The following CCDC102B variants were observed in gnomAD, a reference collection of about 807,000 sequenced individuals.
The protein encoded by CCDC102B is coiled-coil domain-containing protein 102B.
In CCDC102B, 75 loss-of-function variants were observed where a neutral mutation model predicts 57.4. That is an observed-to-expected ratio of 1.31 (90% confidence interval 1.08 to 1.58). CCDC102B has a LOEUF of 1.58. Among genes scored for constraint, CCDC102B ranks in the 40% most tolerant of loss-of-function variants. The pLI is 0.00. For synonymous variants in CCDC102B, 206 were observed against 201.9 expected (o/e 1.02, Z -0.17); for missense variants, 636 against 582.6 (o/e 1.09, Z -0.94).
At chr18:68,749,132 T>G (rs2033744525) in intron 2 of CCDC102B, among the ~76,000 whole-genome samples, 1 of 152,216 alleles carries the variant, frequency 6.6e-6, no homozygotes, top group Admixed American at 6.5e-5. Context: ...TCCATTGGTC[T>G]ATATCTCTGT....
At chr18:68,937,520 A>T (rs1021218970) in intron 6 of CCDC102B, among the ~76,000 whole-genome samples, 1 of 152,078 alleles carries the variant, frequency 6.6e-6, no homozygotes, top group Admixed American at 6.6e-5. Flanking sequence ...CTTTGCAAAA[A>T]TGCAATCCAC....
intron 6 of CCDC102B, among the ~76,000 whole-genome samples, chr18:68,974,214 A>G (rs1031025350): frequency 6.6e-6 from 1 of 152,034 alleles, no homozygotes; most frequent in Non-Finnish European, 1.5e-5. Flanking sequence ...TGAATGGATT[A>G]ATGCCACTGT....
rs372806901 is a variant in CCDC102B at position 68,836,785 on chromosome 18, C to T, written c.22C>T (p.Arg8Ter). 16 of 1,612,742 alleles carry T rather than the reference C, an allele frequency of 9.9e-6. No homozygotes were observed. Among genetic ancestry groups the T allele is most frequent in the African/African-American group, 2.7e-5 (2 of 74,746 alleles). The change falls in exon 2 of 8, where the codon CGA becomes TGA. Residue 8 changes from arginine to a stop codon, truncating the protein, a stop_gained. Coordinates refer to ENST00000360242, the MANE Select transcript of CCDC102B (RefSeq NM_024781.3). LOFTEE classifies it high-confidence loss of function. ...AAATATGAATTTAGATTCCATACAT[C>T]GATTAATTGAGGAAACACAGATCTT... MNLDSIHRLIEETQIFQM... is the reference protein window; with the variant it reads MNLDSIH
chr18:68,866,703 T>C (rs2038997838), intron 4 of CCDC102B: 2 of 506,916 alleles, frequency 3.9e-6, no homozygotes, highest in Non-Finnish European at 7.7e-6. Flanking sequence ...CAGTTTGGCC[T>C]CTTCTCATGA....
chr18:68,818,582 G>T (rs1025314007), intron 1 of CCDC102B, among the ~76,000 whole-genome samples: 2 of 152,070 alleles, frequency 1.3e-5, no homozygotes, highest in Admixed American at 1.3e-4. Context: ...CTGAGTTGTC[G>T]TGAGTAGCTT....
intron 1 of CCDC102B, among the ~76,000 whole-genome samples, chr18:68,806,954 G>T (rs2144698450): frequency 6.6e-6 from 1 of 152,112 alleles, no homozygotes; most frequent in South Asian, 2.1e-4. Flanking sequence ...AGACAGCACA[G>T]GTTTAATACT....
At chr18:68,943,997 G>T (rs1233538262) in intron 6 of CCDC102B, among the ~76,000 whole-genome samples, 2 of 152,146 alleles carry the variant, frequency 1.3e-5, no homozygotes, top group African/African-American at 4.8e-5. Flanking sequence ...TAGATGCTAT[G>T]CCGGACAGGG....
chr18:68,800,174 T>C (rs1409174773), intron 1 of CCDC102B, among the ~76,000 whole-genome samples: 2 of 152,176 alleles, frequency 1.3e-5, no homozygotes, highest in African/African-American at 2.4e-5. Flanking sequence ...AATGATTTGC[T>C]TAAAGCCACA....
At chr18:68,907,870 TAGG>T (rs1306487712) in intron 6 of CCDC102B, among the ~76,000 whole-genome samples, 1 of 152,220 alleles carries the variant, frequency 6.6e-6, no homozygotes, top group Non-Finnish European at 1.5e-5. Flanking sequence ...GGGCTCATCT[TAGG>T]GGGAAGACTT....
rs555681180 is a variant in CCDC102B, at chr18:68,762,385, G to T, written c.-67+45791G>T. 2.0e-4 allele frequency among the ~76,000 whole-genome samples: 30 copies of T among 151,864 alleles called. No individual in the cohort carries two copies. In the South Asian group the frequency reaches 6.2e-3, roughly 32 times the overall value. Reference sequence around the variant, plus strand: ...CTTTTTAGCCTAAAATCTGTTTTTTGTTGTTGTTTGTTTTTTGTTTTTGGT... The same window carrying T: ...CTTTTTAGCCTAAAATCTGTTTTTTTTTGTTGTTTGTTTTTTGTTTTTGGT... On this transcript the variant is annotated intron_variant, in intron 2 of 3. Transcript: ENST00000578970.
In CCDC102B at chr18:68,893,555, A is replaced by T. The variant is rs541014311; in HGVS notation, c.1054-3664A>T. ...GAAGGGCTTTTTCCTGGAGACTGTC[A>T]TTATCTGCTTTCTCTTTCACTTAAC... is the stretch of plus-strand genomic sequence containing the variant. On this transcript the variant is annotated intron_variant, in intron 5 of 7. Transcript: ENST00000360242. 2.3e-3 allele frequency among the ~76,000 whole-genome samples: 346 copies of T among 152,238 alleles called. 1 individual carries two copies. The highest frequency in any genetic ancestry group is 7.4e-3 in the African/African-American group (306 of 41,540).
At chr18:68,723,066 A>G (rs1464845434) in intron 2 of CCDC102B, among the ~76,000 whole-genome samples, 1 of 152,126 alleles carries the variant, frequency 6.6e-6, no homozygotes, top group Non-Finnish European at 1.5e-5. Context: ...GGCCTCAGGA[A>G]ACTTACAATC....
intron 2 of CCDC102B, among the ~76,000 whole-genome samples, chr18:68,759,889 TG>T (rs949852106): frequency 6.6e-6 from 1 of 152,026 alleles, no homozygotes; most frequent in Non-Finnish European, 1.5e-5. Context: ...CACCCCTCTT[TG>T]GGGGTTACAT....
chr18:68,742,321 A>G (rs978035850), intron 2 of CCDC102B, among the ~76,000 whole-genome samples: 1 of 152,072 alleles, frequency 6.6e-6, no homozygotes, highest in African/African-American at 2.4e-5. Flanking sequence ...CTCTTCCTAT[A>G]AGAGCACCAG....
chr18:68,783,631 T>C (rs2035080863), intron 2 of CCDC102B, among the ~76,000 whole-genome samples: 2 of 152,174 alleles, frequency 1.3e-5, no homozygotes, highest in Non-Finnish European at 2.9e-5. Flanking sequence ...CTCTTTCAGA[T>C]ATTGGGTGAT....
intron 6 of CCDC102B, among the ~76,000 whole-genome samples, chr18:68,929,034 A>G (rs891190133): frequency 3.9e-5 from 6 of 151,934 alleles, no homozygotes; most frequent in Non-Finnish European, 7.4e-5. Context: ...TACGTGCTCA[A>G]TGAGCTATTG....
intron 6 of CCDC102B, among the ~76,000 whole-genome samples, chr18:68,937,428 C>G: frequency 6.6e-6 from 1 of 152,010 alleles, no homozygotes; most frequent in East Asian, 1.9e-4. Context: ...TTGTTTGTCA[C>G]TTTGCATATG....
At chr18:68,995,453 G>T (rs577647971) in intron 6 of CCDC102B, among the ~76,000 whole-genome samples, 2 of 152,230 alleles carry the variant, frequency 1.3e-5, no homozygotes, top group African/African-American at 2.4e-5. Context: ...GAGGCTTGTT[G>T]CTTTGTGCAG....
At chr18:68,873,850 A>T (rs1030742523) in intron 4 of CCDC102B, among the ~76,000 whole-genome samples, 1 of 151,834 alleles carries the variant, frequency 6.6e-6, no homozygotes, top group Admixed American at 6.6e-5. Context: ...ACAACAAAAC[A>T]TAGCTTAAAA....
Sources: gnomAD v4.1 joint callset for allele counts (sites outside exome capture counted in the v4.1 genomes callset) on GRCh38, gnomAD v4.1.1 for gene constraint, MANE v1.5 for transcripts, NCBI Gene and HGNC (gene_info 2026-07-23, HGNC 2026-07-21) for gene names.